NFKBIA: variants seen among roughly 807,000 people sequenced by gnomAD.
NFKBIA encodes the protein NFKB inhibitor alpha.
In NFKBIA, 10 loss-of-function variants were observed where a neutral mutation model predicts 36.3. The observed-to-expected ratio is 0.28, with a 90% confidence interval of 0.17 to 0.47. The LOEUF is 0.47. NFKBIA is among the 20% of genes least tolerant of loss of function. The pLI, the probability that NFKBIA is intolerant of heterozygous loss-of-function variation, is 0.99. For synonymous variants in NFKBIA, 205 were observed against 164.4 expected, an observed-to-expected ratio of 1.25 and a Z score of -1.89; for missense variants, 355 against 399.3, an observed-to-expected ratio of 0.89 and a Z score of 0.94.
In NFKBIA at chr14:35,401,962, CTTT is replaced by C; in HGVS notation, c.*48_*50del. ...TTTTTCTTTTTTTAGAAAAATAAAA[CTTT>C]TTTTTTGTACAAATATACAAGTCCA... On this transcript the variant is annotated 3_prime_UTR_variant, in exon 6 of 6. Transcript: ENST00000216797. 1 of 1,583,540 alleles carries C rather than the reference CTTT, an allele frequency of 6.3e-7. No homozygotes were observed. Among genetic ancestry groups the C allele is most frequent in the Non-Finnish European group, 8.7e-7 (1 of 1,155,840 alleles).
rs1373070533 is a variant in NFKBIA at position 35,404,648 on chromosome 14, G to A, written c.-4C>T. The A allele has an allele frequency of 1.3e-6, 2 of 1,484,138 alleles. No individual in the cohort carries two copies. The highest frequency in any genetic ancestry group is 4.5e-5 in the Admixed American group (2 of 44,110). The allele number at this position is 1,484,138 out of a possible 1,614,324, so 91.9% of individuals were successfully genotyped here. A position where few individuals can be genotyped will look rare whatever the true frequency, so the allele number is the denominator to read the frequency against. On this transcript the variant is annotated 5_prime_UTR_variant, in exon 1 of 6. Coordinates refer to ENST00000216797, the MANE Select transcript of NFKBIA (RefSeq NM_020529.3). ...GGCGCTCGGCCGCCTGGAACATGGC[G>A]CGGACGAGCTGCGGGCGCTGCTGCG...
At chr14:35,402,154 G>A in intron 5 of NFKBIA, 94 bp from the exon 6 acceptor site, 1 of 1,456,718 alleles carries the variant, frequency 6.9e-7, no homozygotes, top group Non-Finnish European at 9.6e-7. Context: ...AATAACTCTT[G>A]GACTCCATTC....
In NFKBIA at chr14:35,404,439, T is replaced by A. The variant is rs781662093; in HGVS notation, c.206A>T (p.Gln69Leu). 3.9e-6 allele frequency: 6 copies of A among 1,551,694 alleles called. No individual in the cohort carries two copies. In the South Asian group the frequency reaches 6.8e-5, roughly 18 times the overall value. ...TTACGAGTCCCCGTCCTCGGTGAGC[T>A]GCTGCTTCCAGGGCTCCGAGCCGCG... ...VPRGSEPWKQ[Q>L]LTEDGDSFLH... The change falls in exon 1 of 6, where the codon CAG becomes CTG. Residue 69 changes from glutamine (Q) to leucine (L), a missense_variant. Physicochemically the swap from Gln to Leu is moderately radical, Grantham distance 113 (BLOSUM62 -2). Coordinates refer to ENST00000216797, the MANE Select transcript of NFKBIA (RefSeq NM_020529.3).
chr14:35,402,712 T>C, intron 4 of NFKBIA, 49 bp from the exon 5 acceptor site: 1 of 1,614,214 alleles, frequency 6.2e-7, no homozygotes, highest in South Asian at 1.1e-5. Flanking sequence ...TTGGAATTTC[T>C]GCTCACAACA....
At position 35,402,666 on chromosome 14, in the gene NFKBIA, G is replaced by A; in HGVS notation, c.637-3C>T. On this transcript the variant is annotated splice_region_variant and splice_polypyrimidine_tract_variant and intron_variant, in intron 4 of 5. Transcript: ENST00000216797. ...GCAGTCCGGCCATTACAGGGCTCCT[G>A]AAACCAAAAGGAATTTGAGATGCTT... 6.2e-7 allele frequency: 1 copy of A among 1,614,232 alleles called. No homozygotes were observed. The highest frequency in any genetic ancestry group is 8.5e-7 in the Non-Finnish European group (1 of 1,180,040).
In NFKBIA at chr14:35,402,566, C is replaced by T; in HGVS notation, c.734G>A (p.Arg245Lys). Residue 245 changes from arginine to lysine, a missense_variant, in exon 5 of 6, where the codon AGA becomes AAA. Transcript: ENST00000216797. ...LLLKCGADVN[R>K]VTYQGYSPYQ... ...GGGAGAATAGCCCTGGTAGGTAACT[C>T]TGTTGACATCAGCCCCACACTTCAA... 1 of 1,614,264 alleles carries T rather than the reference C, an allele frequency of 6.2e-7. No homozygotes were observed. The highest frequency in any genetic ancestry group is 8.5e-7 in the Non-Finnish European group (1 of 1,180,050).
chr14:35,403,126 G>A, intron 3 of NFKBIA, 24 bp downstream of exon 3: 3 of 1,604,424 alleles, frequency 1.9e-6, no homozygotes, highest in Non-Finnish European at 2.6e-6. Context: ...GAGGGGGTGG[G>A]GCAGGGCAGG....
At chr14:35,403,496 G>A (rs2052750893) in intron 2 of NFKBIA, 136 bp from the exon 3 acceptor site, 1 of 1,003,570 alleles carries the variant, frequency 1.0e-6, no homozygotes, top group Non-Finnish European at 1.5e-6. Context: ...AATAGCAGAG[G>A]CTCCAGGTGG....
Position 35,402,997 on chromosome 14 carries a change from G to A in NFKBIA, c.548-138C>T, listed in dbSNP as rs545993808. 13 of 1,211,156 alleles carry A rather than the reference G, an allele frequency of 1.1e-5. No homozygotes were observed. In the Admixed American group the frequency reaches 1.4e-4, roughly 13 times the overall value. The allele number at this position is 1,211,156 out of a possible 1,614,324, so 75.0% of individuals were successfully genotyped here. On this transcript the variant is annotated intron_variant, in intron 3 of 5. Transcript: ENST00000216797. Reference sequence around the variant, plus strand: ...TGGGTTCTGAAAGAACTTTATAAAGGCATCCAATAGGCACTTTGCACACAT... The same window carrying A: ...TGGGTTCTGAAAGAACTTTATAAAGACATCCAATAGGCACTTTGCACACAT...
chr14:35,403,089 G>T, intron 3 of NFKBIA, 61 bp downstream of exon 3: 1 of 1,568,864 alleles, frequency 6.4e-7, no homozygotes, highest in Non-Finnish European at 8.7e-7. Flanking sequence ...TGGCCCACCT[G>T]CCCCTTCTCC....
rs1480149752 is a variant in NFKBIA, at chr14:35,404,741, G to T, written c.-97C>A. 6.0e-6 allele frequency: 5 copies of T among 833,426 alleles called. No individual in the cohort carries two copies. Among genetic ancestry groups the T allele is most frequent in the Non-Finnish European group, 8.3e-6 (5 of 604,854 alleles). The allele number at this position is 833,426 out of a possible 1,614,324, so 51.6% of individuals were successfully genotyped here. The stretch of plus-strand genomic sequence containing the variant: ...CGCTGGCGGGCGGGACGGCGGCACG[G>T]ACTGCTGTGGGCTCTGCAGCGCCGC... On this transcript the variant is annotated 5_prime_UTR_variant, in exon 1 of 6. Transcript: ENST00000216797.
intron 5 of NFKBIA, among the ~76,000 whole-genome samples, 159 bp downstream of exon 5, chr14:35,402,235 A>AGTAAGCTATTAAAAAAAGGGG (rs70937092): frequency 6.7e-5 from 10 of 148,942 alleles, no homozygotes; most frequent in African/African-American, 2.6e-4. Context: ...TTAAAAAAAG[A>AGTAAGCTATTAAAAAAAGGGG]GGGGGGGCAG....
chr14:35,402,056 G>C lies in NFKBIA; in HGVS notation c.911C>G (p.Pro304Arg), dbSNP rs779867290. 6.2e-6 allele frequency: 10 copies of C among 1,614,010 alleles called. No individual in the cohort carries two copies. Among genetic ancestry groups the C allele is most frequent in the Middle Eastern group, 1.7e-4 (1 of 6,058 alleles). Residue 304 changes from proline to arginine, a missense_variant, in exon 6 of 6, where the codon CCC (proline) becomes CGC (arginine). Pro to Arg is a moderately radical substitution (Grantham distance 103). Transcript: ENST00000216797. ...EFTEFTEDEL[P>R]YDDCVFGGQR... ...GCCTCCAAACACACAGTCATCATAG[G>C]GCAGCTGAAAACAAGGGGAAAAAAG...
chr14:35,403,675 A>G lies in NFKBIA; in HGVS notation c.336+15T>C, dbSNP rs746067077. On this transcript the variant is annotated intron_variant, in intron 2 of 5. Coordinates refer to ENST00000216797, the MANE Select transcript of NFKBIA (RefSeq NM_020529.3). ...CCCAGGGTCAGAGAGAACCCGGGCC[A>G]GGCAAGCGGCGCACCTGCTGCAGGT... The G allele has an allele frequency of 1.3e-6, 2 of 1,593,240 alleles. No homozygotes were observed. Among genetic ancestry groups the G allele is most frequent in the Non-Finnish European group, 1.7e-6 (2 of 1,162,112 alleles).
intron 3 of NFKBIA, 110 bp downstream of exon 3, chr14:35,403,040 A>G (rs1274745140): frequency 7.3e-7 from 1 of 1,371,136 alleles, no homozygotes; most frequent in African/African-American, 1.4e-5. Context: ...CAACCTTCCA[A>G]ATGTTAGGAG....
At chr14:35,402,973 G>T in intron 3 of NFKBIA, 114 bp from the exon 4 acceptor site, 1 of 1,290,134 alleles carries the variant, frequency 7.8e-7, no homozygotes, top group Non-Finnish European at 1.1e-6. Flanking sequence ...CCCACAGTCT[G>T]GGTTCTGAAA....
chr14:35,403,741 G>A lies in NFKBIA; in HGVS notation c.285C>T (p.Arg95=). ...EEKALTMEVI[R]QVKGDLAFLN... ...GGAAGGCCAGGTCTCCCTTCACCTG[G>A]CGGATCACTTCCATGGTCAGTGCCT... Residue 95 remains arginine (R), a synonymous_variant, in exon 2 of 6, where the codon CGC becomes CGT. Transcript: ENST00000216797. 1 of 1,614,036 alleles carries A rather than the reference G, an allele frequency of 6.2e-7. No homozygotes were observed. Among genetic ancestry groups the A allele is most frequent in the Non-Finnish European group, 8.5e-7 (1 of 1,179,980 alleles).
rs552031218 is a variant in NFKBIA, at chr14:35,403,924, C to T, written c.228-126G>A. 22 of 736,592 alleles carry T rather than the reference C, an allele frequency of 3.0e-5. No homozygotes were observed. The African/African-American group carries it at 3.8e-4, about 13-fold the overall frequency. The allele number at this position is 736,592 out of a possible 1,614,324, so 45.6% of individuals were successfully genotyped here. On this transcript the variant is annotated intron_variant, in intron 1 of 5. Coordinates refer to ENST00000216797, the MANE Select transcript of NFKBIA (RefSeq NM_020529.3). ...GAGGCCGAGGCCGCGGTGTTTTCCG[C>T]GAGGTTATTATGAGCTGAGTGTTCC...
chr14:35,403,087 C>T (rs2052745831), intron 3 of NFKBIA, 63 bp downstream of exon 3: 1 of 1,568,868 alleles, frequency 6.4e-7, no homozygotes, highest in African/African-American at 1.4e-5. Context: ...GTTGGCCCAC[C>T]TGCCCCTTCT....
Sources: allele counts gnomAD v4.1 joint callset (sites outside exome capture counted in the v4.1 genomes callset), GRCh38; gene constraint gnomAD v4.1.1; transcripts MANE v1.5; gene names NCBI Gene and HGNC (gene_info 2026-07-23, HGNC 2026-07-21).